The following RPS9 variants were observed in gnomAD, a reference collection of about 807,000 sequenced individuals.
RPS9 encodes small ribosomal subunit protein uS4.
RPS9 carries 1 observed loss-of-function variant against 16.9 expected under a neutral mutation model. The ratio of observed to expected loss-of-function variants is 0.06; its 90% CI spans 0.02 to 0.28. The LOEUF is 0.28. RPS9 is among the 10% of genes least tolerant of loss of function. The probability of loss-of-function intolerance (pLI) is 1.00; values close to 1 mark genes in which losing one functional copy is unlikely to be tolerated. For missense variants in RPS9, 137 were observed against 273.2 expected (o/e 0.50, Z 3.51); for synonymous variants, 106 against 110.9 (o/e 0.96, Z 0.28).
chr19:54,201,451 T>G, intron 2 of RPS9, 36 bp from the exon 3 acceptor site: 1 of 1,613,376 alleles, frequency 6.2e-7, no homozygotes, highest in Non-Finnish European at 8.5e-7. Context: ...TGCCAGTACG[T>G]GGGACTACAC....
chr19:54,203,758 AAAC>A, intron 3 of RPS9, among the ~76,000 whole-genome samples: 1 of 146,964 alleles, frequency 6.8e-6, no homozygotes, highest in Non-Finnish European at 1.5e-5. Context: ...GCGAGACACA[AAAC>A]AACACGAACT....
chr19:54,206,608 A>G (rs1337565132), intron 4 of RPS9, 146 bp downstream of exon 4: 2 of 1,551,762 alleles, frequency 1.3e-6, no homozygotes, highest in Non-Finnish European at 1.7e-6. Flanking sequence ...ACCCTTGCAC[A>G]CAGCTCACCA....
chr19:54,201,346 G>A (rs1568885216), intron 2 of RPS9, 65 bp downstream of exon 2: 1 of 1,612,596 alleles, frequency 6.2e-7, no homozygotes, highest in Non-Finnish European at 8.5e-7. Flanking sequence ...GTGGATGAAG[G>A]TGCCCATGTA....
In RPS9 at chr19:54,207,424, C is replaced by T. The variant is rs1481695245; in HGVS notation, c.434C>T (p.Pro145Leu). Residue 145 changes from proline to leucine, a missense_variant, in exon 5 of 5, where the codon CCG becomes CTG. By Grantham distance (98) the Pro-to-Leu change is moderately conservative. Around this residue, in one of 3 missense-constraint regions of RPS9, gnomAD observed 54 missense variants for 90.9 expected, o/e 0.59. Coordinates refer to ENST00000302907, the MANE Select transcript of RPS9 (RefSeq NM_001013.4). ...IRVRKQVVNI[P>L]SFIVRLDSQK... is the part of the protein sequence containing the mutation. ...GTCCGCAAGCAGGTGGTGAACATCC[C>T]GTCCTTCATTGTCCGCCTGGATTCC... The T allele has an allele frequency of 5.6e-6, 9 of 1,613,154 alleles. No homozygotes were observed. In the East Asian group the frequency reaches 8.9e-5, roughly 16 times the overall value.
chr19:54,206,773 C>A, intron 4 of RPS9: 1 of 1,417,524 alleles, frequency 7.1e-7, no homozygotes, highest in Non-Finnish European at 9.3e-7. Flanking sequence ...AGCCTCACCT[C>A]GCTTGGGTGG....
intron 4 of RPS9, chr19:54,206,902 G>A: frequency 1.8e-6 from 1 of 567,698 alleles, no homozygotes. Context: ...GGGAGGAGCT[G>A]TACAGAAAGA....
intron 2 of RPS9, 97 bp downstream of exon 2, chr19:54,201,378 A>T: frequency 8.7e-6 from 14 of 1,606,542 alleles, no homozygotes; most frequent in Non-Finnish European, 1.2e-5. Flanking sequence ...CCGTCCCCTA[A>T]ATTTGGTACT....
Position 54,201,908 on chromosome 19 carries a change from G to A in RPS9, c.220+299G>A. 3 of 419,202 alleles carry A rather than the reference G, an allele frequency of 7.2e-6. No individual in the cohort carries two copies. In the South Asian group the frequency reaches 1.5e-4, roughly 21 times the overall value. The allele number at this position is 419,202 out of a possible 1,614,324, so 26.0% of individuals were successfully genotyped here. On this transcript the variant is annotated intron_variant, in intron 3 of 4. Transcript: ENST00000302907. The stretch of plus-strand genomic sequence containing the variant: ...TATATCTTTATATTCTGTTTATGTG[G>A]CCTGTTTGCTAGTGGATGAGAGTAG...
At chr19:54,204,531 G>A (rs35955135) in intron 3 of RPS9, among the ~76,000 whole-genome samples, 46,530 of 151,912 alleles carry the variant, frequency 0.31, 8,400 homozygotes, top group East Asian at 0.43. Flanking sequence ...CTAGTAGCTG[G>A]GACCACAATC....
At chr19:54,201,768 C>T (rs1289185058) in intron 3 of RPS9, 159 bp downstream of exon 3, 2 of 1,424,328 alleles carry the variant, frequency 1.4e-6, no homozygotes, top group Non-Finnish European at 1.9e-6. Flanking sequence ...AAAAGTGTAT[C>T]TGGATCAGTC....
At chr19:54,206,900 C>G (rs2077260785) in intron 4 of RPS9, 1 of 575,030 alleles carries the variant, frequency 1.7e-6, no homozygotes, top group Non-Finnish European at 3.0e-6. Context: ...GGGGGAGGAG[C>G]TGTACAGAAA....
intron 1 of RPS9, 77 bp downstream of exon 1, chr19:54,200,965 A>G: frequency 2.8e-6 from 4 of 1,418,988 alleles, no homozygotes; most frequent in Non-Finnish European, 9.2e-7. Flanking sequence ...TCCATGAGTA[A>G]GCTAAAGACG....
intron 4 of RPS9, 191 bp from the exon 5 acceptor site, chr19:54,207,207 T>C: frequency 1.8e-6 from 1 of 542,442 alleles, no homozygotes; most frequent in Non-Finnish European, 3.2e-6. Flanking sequence ...ATCTGAAGCA[T>C]TTTTGGGGAT....
intron 3 of RPS9, among the ~76,000 whole-genome samples, chr19:54,203,767 G>T: frequency 7.7e-6 from 1 of 130,120 alleles, no homozygotes; most frequent in Non-Finnish European, 1.8e-5. Context: ...AAAACAACAC[G>T]AACTCCCCCC....
intron 4 of RPS9, chr19:54,206,828 C>A: frequency 1.9e-6 from 2 of 1,032,774 alleles, no homozygotes; most frequent in Non-Finnish European, 2.7e-6. Flanking sequence ...TGATTCCAGA[C>A]CCCGATCCAT....
At chr19:54,206,095 T>A (rs1305704000) in intron 3 of RPS9, among the ~76,000 whole-genome samples, 181 bp from the exon 4 acceptor site, 1 of 152,180 alleles carries the variant, frequency 6.6e-6, no homozygotes, top group Non-Finnish European at 1.5e-5. Context: ...GGATTACAGG[T>A]GTGAGCCACC....
chr19:54,205,989 C>T (rs974063949), intron 3 of RPS9, among the ~76,000 whole-genome samples: 19 of 152,114 alleles, frequency 1.2e-4, no homozygotes, highest in African/African-American at 2.9e-4. Flanking sequence ...GCTAATTTTT[C>T]GTAATCTTAG....
chr19:54,206,989 T>TA, intron 4 of RPS9: 5 of 434,166 alleles, frequency 1.2e-5, no homozygotes, highest in East Asian at 4.2e-5. Flanking sequence ...GCCTTGTGTG[T>TA]CAATGCTTTC....
At chr19:54,201,019 T>C (rs2077023635) in intron 1 of RPS9, 131 bp downstream of exon 1, 1 of 1,454,284 alleles carries the variant, frequency 6.9e-7, no homozygotes, top group African/African-American at 1.4e-5. Flanking sequence ...GCAGCACGGT[T>C]GTGGGGGCAG....
Sources: allele counts gnomAD v4.1 joint callset (sites outside exome capture counted in the v4.1 genomes callset), GRCh38; gene constraint gnomAD v4.1.1; regional missense constraint gnomAD v4.1.1; transcripts MANE v1.5; gene names NCBI Gene and HGNC (gene_info 2026-07-23, HGNC 2026-07-21).